Variants in FRMD4B observed in about 807,000 individuals in gnomAD.
FRMD4B encodes the protein FERM domain-containing protein 4B.
FRMD4B carries 74 observed loss-of-function variants against 141.5 expected under a neutral mutation model. That is an observed-to-expected ratio of 0.52 (90% CI 0.43 to 0.63). The LOEUF is 0.63. Ranked by LOEUF, FRMD4B falls within the 30% of genes least tolerant of loss-of-function variation. The probability of loss-of-function intolerance (pLI) is 0.00; values close to 1 mark genes in which losing one functional copy is unlikely to be tolerated. For missense variants in FRMD4B, 1,366 were observed against 1,253.4 expected (o/e 1.09, Z -1.36); for synonymous variants, 506 against 467.9 (o/e 1.08, Z -1.05).
chr3:69,355,133 G>A (rs1449502072), intron 1 of FRMD4B, among the ~76,000 whole-genome samples: 5 of 152,232 alleles, frequency 3.3e-5, no homozygotes, highest in South Asian at 2.1e-4. Context: ...GAGATGCTGC[G>A]CTGTGATAAA....
chr3:69,350,135 C>A (rs908565419), intron 1 of FRMD4B, among the ~76,000 whole-genome samples: 20 of 150,214 alleles, frequency 1.3e-4, no homozygotes, highest in Non-Finnish European at 2.4e-4. Context: ...AAGAAAAAAA[C>A]AAACAACCCC....
chr3:69,267,587 GTGTGTGTGTATATA>G (rs1355692466), intron 5 of FRMD4B, among the ~76,000 whole-genome samples: 1 of 53,706 alleles, frequency 1.9e-5, no homozygotes, highest in Non-Finnish European at 3.3e-5. Context: ...ATGTGTGTGT[GTGTGTGTGTATATA>G]TATATATATA....
At chr3:69,374,942 G>T (rs4855401) in intron 1 of FRMD4B, among the ~76,000 whole-genome samples, 141,541 of 151,730 alleles carry the variant, frequency 0.93, 66,026 homozygotes, top group East Asian at 0.97. Context: ...CAATGCATAC[G>T]TGAAGATAAT....
rs146636762 is a variant in FRMD4B, at chr3:69,526,256, G to A, written c.-129+15950C>T. On this transcript the variant is annotated intron_variant, in intron 1 of 5. Transcript: ENST00000459638. Reference sequence around the variant, plus strand: ...TTTTCCTCAGATGGGAAAATTCAGAGGTACATGCACTCCACTGGTTCCCAG... The same window carrying A: ...TTTTCCTCAGATGGGAAAATTCAGAAGTACATGCACTCCACTGGTTCCCAG... 6.7e-3 allele frequency among the ~76,000 whole-genome samples: 1,025 copies of A among 152,300 alleles called. 11 individuals carry two copies. Among genetic ancestry groups the A allele is most frequent in the African/African-American group, 0.023 (971 of 41,580 alleles).
Position 69,181,582 on chromosome 3 carries a change from G to GTGC in FRMD4B, c.2165_2167dup (p.Ser722dup), listed in dbSNP as rs759450677. ...AGAAGACCCGTCATCGAGGATTTCT[G>GTGC]TGCTGCTGCTTCTTTGGGATTTGGA... is the stretch of plus-strand genomic sequence containing the variant. On this transcript the variant is annotated inframe_insertion, in exon 21 of 23. Coordinates refer to ENST00000398540, the MANE Select transcript of FRMD4B (RefSeq NM_015123.3). The GTGC allele has an allele frequency of 6.8e-4, 1,096 of 1,613,864 alleles. No individual in the cohort carries two copies. Among genetic ancestry groups the GTGC allele is most frequent in the Middle Eastern group, 8.2e-4 (5 of 6,062 alleles).
intron 7 of FRMD4B, among the ~76,000 whole-genome samples, chr3:69,225,838 A>G (rs950176424): frequency 6.6e-6 from 1 of 151,842 alleles, no homozygotes; most frequent in African/African-American, 2.4e-5. Flanking sequence ...GATTATCTAA[A>G]GCCTATTAGA....
intron 1 of FRMD4B, among the ~76,000 whole-genome samples, chr3:69,446,176 T>C (rs1385293920): frequency 1.3e-5 from 2 of 150,680 alleles, no homozygotes; most frequent in Admixed American, 1.3e-4. Flanking sequence ...TACAGGCATG[T>C]ACCACCATGC....
At chr3:69,284,412 G>A (rs1278170937) in intron 5 of FRMD4B, among the ~76,000 whole-genome samples, 1 of 152,020 alleles carries the variant, frequency 6.6e-6, no homozygotes. Context: ...CCACCAGCCA[G>A]AATAAAAAAC....
At chr3:69,430,718 G>A (rs1483601347) in intron 2 of FRMD4B, among the ~76,000 whole-genome samples, 2 of 152,198 alleles carry the variant, frequency 1.3e-5, no homozygotes, top group Admixed American at 6.5e-5. Flanking sequence ...AGAAAACAGG[G>A]AAGGCTCTAA....
chr3:69,483,606 G>C (rs1706165781), intron 1 of FRMD4B, among the ~76,000 whole-genome samples: 1 of 152,130 alleles, frequency 6.6e-6, no homozygotes, highest in East Asian at 1.9e-4. Context: ...TCACCAAAGG[G>C]ACATTTCCCT....
rs149419326 is a variant in FRMD4B, at chr3:69,175,647, T to C, written c.2984+877A>G. On this transcript the variant is annotated intron_variant, in intron 22 of 22. Transcript: ENST00000398540. ...TTCAAAAGAGACTTAAATGGACATA[T>C]CACTAATAGGATTTCAAGTACCATA... 5.0e-3 allele frequency among the ~76,000 whole-genome samples: 759 copies of C among 152,108 alleles called. 9 individuals are homozygous for C. The highest frequency in any genetic ancestry group is 0.018 in the African/African-American group (733 of 41,494).
intron 1 of FRMD4B, among the ~76,000 whole-genome samples, chr3:69,515,867 C>G (rs1700748445): frequency 6.6e-6 from 1 of 152,168 alleles, no homozygotes; most frequent in Non-Finnish European, 1.5e-5. Context: ...AAACCTATAA[C>G]TTTTGGAGTT....
chr3:69,215,593 T>A (rs1336873267), intron 11 of FRMD4B, among the ~76,000 whole-genome samples: 1 of 151,936 alleles, frequency 6.6e-6, no homozygotes, highest in African/African-American at 2.4e-5. Context: ...GCCTGGCCTG[T>A]GACCCTTTCA....
At chr3:69,467,310 AGCATTTGAGCGGTAACTG>A (rs1411419465) in intron 1 of FRMD4B, among the ~76,000 whole-genome samples, 30 of 152,348 alleles carry the variant, frequency 2.0e-4, no homozygotes, top group African/African-American at 7.0e-4. Context: ...TAAGAGAGCT[AGCATTTGAGCGGTAACTG>A]GCATGATTTG....
At chr3:69,192,280 G>T (rs528812027) in intron 17 of FRMD4B, among the ~76,000 whole-genome samples, 138 of 152,198 alleles carry the variant, frequency 9.1e-4, no homozygotes, top group Non-Finnish European at 1.5e-3. Flanking sequence ...GGAGGCTGAG[G>T]TAGGAGGATC....
intron 1 of FRMD4B, among the ~76,000 whole-genome samples, chr3:69,523,328 C>T (rs1700881527): frequency 6.6e-6 from 1 of 152,030 alleles, no homozygotes; most frequent in Non-Finnish European, 1.5e-5. Context: ...TTGGAAAGCT[C>T]AATGTAAAAT....
At chr3:69,455,433 T>A (rs1014510458) in intron 1 of FRMD4B, among the ~76,000 whole-genome samples, 16 of 152,204 alleles carry the variant, frequency 1.1e-4, no homozygotes, top group Non-Finnish European at 1.8e-4. Flanking sequence ...AGACCACGAA[T>A]GCACCAGGAG....
At chr3:69,186,155 G>A (rs2092764075) in intron 19 of FRMD4B, among the ~76,000 whole-genome samples, 1 of 151,534 alleles carries the variant, frequency 6.6e-6, no homozygotes, top group African/African-American at 2.4e-5. Context: ...TTGCCACAAC[G>A]ATAGTGAATA....
chr3:69,449,974 G>A (rs1380350299), intron 1 of FRMD4B, among the ~76,000 whole-genome samples: 1 of 152,052 alleles, frequency 6.6e-6, no homozygotes. Flanking sequence ...AAGCTTGTGG[G>A]CATGGAAGTT....
Sources: gnomAD v4.1 joint callset for allele counts (sites outside exome capture counted in the v4.1 genomes callset) on GRCh38, gnomAD v4.1.1 for gene constraint, MANE v1.5 for transcripts, NCBI Gene and HGNC (gene_info 2026-07-23, HGNC 2026-07-21) for gene names.